Variants in PIK3C2G observed in about 807,000 individuals in gnomAD.
PIK3C2G encodes the protein phosphatidylinositol-4-phosphate 3-kinase catalytic subunit type 2 gamma, also known as phosphatidylinositol 3-kinase C2 domain-containing subunit gamma.
PIK3C2G carries 168 observed loss-of-function variants against 181.1 expected under a neutral mutation model. That is an observed-to-expected ratio of 0.93 (90% CI 0.82 to 1.05). The LOEUF is 1.05. Among genes scored for constraint, PIK3C2G ranks in the 50% least tolerant of loss-of-function variants. The probability of loss-of-function intolerance (pLI) is 0.00; values close to 1 mark genes in which losing one functional copy is unlikely to be tolerated. For synonymous variants in PIK3C2G, 573 were observed against 592.2 expected (o/e 0.97, Z 0.47); for missense variants, 1,869 against 1,732.8 (o/e 1.08, Z -1.40).
chr12:18,389,118 C>T (rs1326445001), intron 14 of PIK3C2G, among the ~76,000 whole-genome samples: 5 of 151,976 alleles, frequency 3.3e-5, no homozygotes, highest in African/African-American at 4.8e-5. Flanking sequence ...TTTGGGAGGC[C>T]GAGGCGGGTG....
intron 18 of PIK3C2G, among the ~76,000 whole-genome samples, chr12:18,445,114 C>T (rs981083067): frequency 2.0e-5 from 3 of 151,700 alleles, no homozygotes; most frequent in African/African-American, 7.3e-5. Flanking sequence ...CTAGTACAAG[C>T]CAGATATTTA....
At chr12:18,512,843 G>A (rs1942300005) in intron 24 of PIK3C2G, among the ~76,000 whole-genome samples, 1 of 151,812 alleles carries the variant, frequency 6.6e-6, no homozygotes, top group Non-Finnish European at 1.5e-5. Context: ...GAAAAGAAGT[G>A]GTAAGAATGG....
chr12:18,394,508 G>C (rs1270541376), intron 15 of PIK3C2G, among the ~76,000 whole-genome samples: 1 of 151,924 alleles, frequency 6.6e-6, no homozygotes, highest in Non-Finnish European at 1.5e-5. Context: ...CAGATCCAAA[G>C]AGTTTTAAAT....
intron 8 of PIK3C2G, among the ~76,000 whole-genome samples, chr12:18,326,489 C>T (rs1280022725): frequency 6.6e-6 from 1 of 152,068 alleles, no homozygotes; most frequent in African/African-American, 2.4e-5. Context: ...ATAAATTCTA[C>T]TTATTGATGT....
intron 24 of PIK3C2G, among the ~76,000 whole-genome samples, chr12:18,526,430 T>C (rs776392706): frequency 2.5e-4 from 38 of 152,200 alleles, no homozygotes; most frequent in Non-Finnish European, 4.9e-4. Context: ...GTGAGTGTTT[T>C]AAGGATATCT....
the PIK3C2G span, among the ~76,000 whole-genome samples, chr12:18,673,069 G>A: frequency 3.3e-5 from 5 of 152,118 alleles, no homozygotes; most frequent in Non-Finnish European, 7.4e-5. Flanking sequence ...GAATTAAAAA[G>A]CAGACTAATT....
At chr12:18,592,436 A>C (rs560262387) in intron 29 of PIK3C2G, among the ~76,000 whole-genome samples, 5 of 152,052 alleles carry the variant, frequency 3.3e-5, no homozygotes. Context: ...ATGACAAAGG[A>C]AATTCCCATT....
intron 16 of PIK3C2G, among the ~76,000 whole-genome samples, chr12:18,411,253 C>T (rs2135630056): frequency 6.6e-6 from 1 of 152,094 alleles, no homozygotes; most frequent in East Asian, 1.9e-4. Context: ...AAAGTCCTTG[C>T]TAGGGGTGCT....
At chr12:18,436,458 A>C (rs1201801643) in intron 18 of PIK3C2G, among the ~76,000 whole-genome samples, 1 of 152,072 alleles carries the variant, frequency 6.6e-6, no homozygotes, top group Non-Finnish European at 1.5e-5. Context: ...ATAAAAGCAG[A>C]TTCTTTTTGC....
chr12:18,408,430 T>C (rs914515206), intron 16 of PIK3C2G, among the ~76,000 whole-genome samples: 2 of 152,196 alleles, frequency 1.3e-5, no homozygotes, highest in African/African-American at 4.8e-5. Flanking sequence ...TTATATCTGT[T>C]TTGGTACCAG....
chr12:18,371,801 T>C (rs1048933402), intron 13 of PIK3C2G, among the ~76,000 whole-genome samples: 2 of 152,170 alleles, frequency 1.3e-5, no homozygotes, highest in Non-Finnish European at 2.9e-5. Flanking sequence ...TCAGAACTAA[T>C]GACCGTTGCA....
chr12:18,705,174 A>G, the PIK3C2G span: 1 of 1,613,978 alleles, frequency 6.2e-7, no homozygotes, highest in Non-Finnish European at 8.5e-7. Flanking sequence ...ACCTCTGGTG[A>G]TGGTAGAGTA....
At chr12:18,389,650 T>C (rs1943414077) in intron 14 of PIK3C2G, among the ~76,000 whole-genome samples, 1 of 152,184 alleles carries the variant, frequency 6.6e-6, no homozygotes, top group African/African-American at 2.4e-5. Flanking sequence ...AAGTTTTCTC[T>C]TATAAAAAGT....
chr12:18,296,346 G>T (rs1043784751), intron 5 of PIK3C2G, among the ~76,000 whole-genome samples: 2 of 152,028 alleles, frequency 1.3e-5, no homozygotes, highest in South Asian at 2.1e-4. Flanking sequence ...ATTTCAGTTC[G>T]TCTGGGTGAG....
rs77080731 is a variant in PIK3C2G at position 18,415,621 on chromosome 12, C to T, written c.2316-5320C>T. Among the ~76,000 whole-genome samples, 1,067 of 152,252 alleles carry T rather than the reference C, an allele frequency of 7.0e-3. 6 individuals are homozygous for T. Among genetic ancestry groups the T allele is most frequent in the African/African-American group, 0.019 (782 of 41,562 alleles). Reference sequence around the variant, plus strand: ...AAAAGCCTAAAACGATTAAGCATAACGTGAAAGGCATGTTGAAAGCTTAGA... The same window carrying T: ...AAAAGCCTAAAACGATTAAGCATAATGTGAAAGGCATGTTGAAAGCTTAGA... On this transcript the variant is annotated intron_variant, in intron 16 of 32. Transcript: ENST00000538779.
chr12:18,374,471 A>G (rs182131299), intron 13 of PIK3C2G, among the ~76,000 whole-genome samples: 1 of 152,286 alleles, frequency 6.6e-6, no homozygotes, highest in Admixed American at 6.5e-5. Context: ...TACGTCATTT[A>G]TAGATGAAGA....
At chr12:18,676,194 G>A in the PIK3C2G span, among the ~76,000 whole-genome samples, 1 of 152,050 alleles carries the variant, frequency 6.6e-6, no homozygotes. Flanking sequence ...GAAAAAACAA[G>A]AGAAAGAAAC....
intron 18 of PIK3C2G, among the ~76,000 whole-genome samples, chr12:18,468,239 C>G (rs945375921): frequency 1.2e-4 from 18 of 152,022 alleles, no homozygotes; most frequent in Non-Finnish European, 1.2e-4. Context: ...TTTACTCTCA[C>G]AAGAACTGAG....
chr12:18,303,115 C>CTTCTTTCTTTCTTTTTCT, intron 5 of PIK3C2G, among the ~76,000 whole-genome samples: 1 of 136,724 alleles, frequency 7.3e-6, no homozygotes, highest in East Asian at 2.2e-4. Context: ...TCTTTCTTTC[C>CTTCTTTCTTTCTTTTTCT]TTCTTTCTTT....
Sources: gnomAD v4.1 joint callset for allele counts (sites outside exome capture counted in the v4.1 genomes callset) on GRCh38, gnomAD v4.1.1 for gene constraint, MANE v1.5 for transcripts, NCBI Gene and HGNC (gene_info 2026-07-23, HGNC 2026-07-21) for gene names.